LTBP1: variants seen among roughly 807,000 people sequenced by gnomAD.
The protein encoded by LTBP1 is latent transforming growth factor beta binding protein 1, also known as latent-transforming growth factor beta-binding protein 1.
In LTBP1, 129 loss-of-function variants were observed where a neutral mutation model predicts 207.6. That is an observed-to-expected ratio of 0.62 (90% CI 0.54 to 0.72). LTBP1 has a LOEUF of 0.72. Ranked by LOEUF, LTBP1 falls within the 30% of genes least tolerant of loss-of-function variation. The pLI, the probability that LTBP1 is intolerant of heterozygous loss-of-function variation, is 0.00. For synonymous variants in LTBP1, 963 were observed against 833.7 expected, an observed-to-expected ratio of 1.16 and a Z score of -2.67; for missense variants, 2,281 against 2,217.2, an observed-to-expected ratio of 1.03 and a Z score of -0.58.
rs762333923 is a variant in LTBP1, at chr2:33,360,580, T to C, written c.4001-17T>C. 1.4e-5 allele frequency: 22 copies of C among 1,582,764 alleles called. No individual in the cohort carries two copies. The highest frequency in any genetic ancestry group is 3.3e-5 in the Admixed American group (2 of 59,904). On this transcript the variant is annotated splice_polypyrimidine_tract_variant and intron_variant, in intron 26 of 33. Coordinates refer to ENST00000404816, the MANE Select transcript of LTBP1 (RefSeq NM_206943.4). ...TGATGTGTCCTATTGTCACTCTACT[T>C]TCTCTACTCCATTTAGATTTAGATG...
intron 2 of LTBP1, among the ~76,000 whole-genome samples, chr2:32,958,829 T>A (rs967987354): frequency 6.6e-6 from 1 of 152,230 alleles, no homozygotes; most frequent in African/African-American, 2.4e-5. Flanking sequence ...CACAACACCT[T>A]ACTCTGTTTC....
chr2:33,137,490 A>G (rs895460707), intron 5 of LTBP1, among the ~76,000 whole-genome samples: 1 of 152,214 alleles, frequency 6.6e-6, no homozygotes, highest in African/African-American at 2.4e-5. Context: ...CAACCCTGCC[A>G]TCATCGTGTG....
chr2:33,361,208 T>C (rs1039889271), intron 27 of LTBP1, among the ~76,000 whole-genome samples: 1 of 152,144 alleles, frequency 6.6e-6, no homozygotes, highest in Non-Finnish European at 1.5e-5. Context: ...AGTAAGAAAA[T>C]ATTAGTGAAC....
intron 8 of LTBP1, among the ~76,000 whole-genome samples, chr2:33,219,836 A>G (rs946509134): frequency 2.6e-5 from 4 of 152,130 alleles, no homozygotes; most frequent in Non-Finnish European, 5.9e-5. Flanking sequence ...CATTAAAGGT[A>G]AAGAGATTCC....
At chr2:33,146,010 T>A (rs1260449240) in intron 5 of LTBP1, among the ~76,000 whole-genome samples, 2 of 152,204 alleles carry the variant, frequency 1.3e-5, no homozygotes, top group Non-Finnish European at 2.9e-5. Flanking sequence ...TATTTCTTCT[T>A]TTTACCTGGC....
At chr2:33,008,549 C>T (rs1687243282) in intron 2 of LTBP1, among the ~76,000 whole-genome samples, 1 of 152,168 alleles carries the variant, frequency 6.6e-6, no homozygotes, top group Non-Finnish European at 1.5e-5. Context: ...ATGATTCATT[C>T]ATGTTAGCAT....
chr2:33,120,726 G>T (rs1284944478), intron 4 of LTBP1, among the ~76,000 whole-genome samples: 5 of 152,194 alleles, frequency 3.3e-5, no homozygotes, highest in Non-Finnish European at 7.3e-5. Context: ...GGATTGCTGG[G>T]TTGAATGGTA....
chr2:33,115,992 C>A (rs2080726652), intron 4 of LTBP1, among the ~76,000 whole-genome samples: 1 of 152,078 alleles, frequency 6.6e-6, no homozygotes, highest in Non-Finnish European at 1.5e-5. Flanking sequence ...TAAGTACAGT[C>A]TATGGTGGAA....
At chr2:33,081,625 G>A (rs1182851714) in intron 3 of LTBP1, among the ~76,000 whole-genome samples, 1 of 152,132 alleles carries the variant, frequency 6.6e-6, no homozygotes, top group African/African-American at 2.4e-5. Context: ...AGAGAAGGCT[G>A]AAAAGGTAGT....
At chr2:33,332,269 G>A (rs924616289) in intron 24 of LTBP1, among the ~76,000 whole-genome samples, 4 of 150,252 alleles carry the variant, frequency 2.7e-5, no homozygotes, top group African/African-American at 9.8e-5. Flanking sequence ...GTGGTGGTGG[G>A]TACCTGTAGT....
chr2:33,298,321 C>T (rs2093919996), intron 20 of LTBP1, among the ~76,000 whole-genome samples: 1 of 152,190 alleles, frequency 6.6e-6, no homozygotes, highest in Non-Finnish European at 1.5e-5. Context: ...TTACTCCTGA[C>T]ATTCTTAGCA....
At chr2:33,279,170 G>C (rs1022221846) in intron 18 of LTBP1, among the ~76,000 whole-genome samples, 3 of 152,102 alleles carry the variant, frequency 2.0e-5, no homozygotes, top group Admixed American at 2.0e-4. Context: ...ATAAATTCAA[G>C]ATCCACCTCA....
chr2:33,067,384 A>C (rs1452301869), intron 3 of LTBP1, among the ~76,000 whole-genome samples: 1 of 152,218 alleles, frequency 6.6e-6, no homozygotes, highest in East Asian at 1.9e-4. Flanking sequence ...TAATATTAAG[A>C]TGCTTTATAC....
chr2:33,183,798 C>A (rs1324281803), intron 5 of LTBP1, among the ~76,000 whole-genome samples: 1 of 152,198 alleles, frequency 6.6e-6, no homozygotes, highest in Admixed American at 6.5e-5. Flanking sequence ...ATTGATTCAA[C>A]CTTGGAGTCA....
intron 10 of LTBP1, among the ~76,000 whole-genome samples, 170 bp from the exon 11 acceptor site, chr2:33,252,507 T>C (rs544226794): frequency 6.6e-6 from 1 of 152,168 alleles, no homozygotes; most frequent in South Asian, 2.1e-4. Flanking sequence ...ACTCTAAAAC[T>C]CACATGGTAA....
intron 7 of LTBP1, among the ~76,000 whole-genome samples, chr2:33,199,449 A>T (rs1470312859): frequency 6.6e-6 from 1 of 152,228 alleles, no homozygotes; most frequent in East Asian, 1.9e-4. Flanking sequence ...AACTCTCAAT[A>T]AATTAGGTAT....
At chr2:33,039,030 C>T (rs1380429303) in intron 3 of LTBP1, among the ~76,000 whole-genome samples, 1 of 152,198 alleles carries the variant, frequency 6.6e-6, no homozygotes, top group African/African-American at 2.4e-5. Flanking sequence ...TGTGAAATCT[C>T]ATCTCCTGGT....
intron 22 of LTBP1, among the ~76,000 whole-genome samples, chr2:33,308,116 C>T (rs988574000): frequency 6.6e-6 from 1 of 152,140 alleles, no homozygotes; most frequent in Non-Finnish European, 1.5e-5. Flanking sequence ...TAGCTTTCTT[C>T]GTTGCTAATA....
Position 33,189,800 on chromosome 2 carries a change from T to G in LTBP1, c.1701+949T>G, listed in dbSNP as rs1267424757. ...TACCACTTTGGGAGGCCGAGGCAGG[T>G]GGATTACCTGAGGTCAGGAGTTCGA... On this transcript the variant is annotated intron_variant, in intron 7 of 33. Coordinates refer to ENST00000404816, the MANE Select transcript of LTBP1 (RefSeq NM_206943.4). Among the ~76,000 whole-genome samples the G allele has an allele frequency of 2.0e-5, 3 of 152,154 alleles. No homozygotes were observed. In the East Asian group the frequency reaches 5.8e-4, roughly 29 times the overall value.
Sources: allele counts gnomAD v4.1 joint callset (sites outside exome capture counted in the v4.1 genomes callset), GRCh38; gene constraint gnomAD v4.1.1; transcripts MANE v1.5; gene names NCBI Gene and HGNC (gene_info 2026-07-23, HGNC 2026-07-21).